The following PDK1 variants were observed in gnomAD, a reference collection of about 807,000 sequenced individuals.
The protein encoded by PDK1 is [Pyruvate dehydrogenase (acetyl-transferring)] kinase isozyme 1, mitochondrial.
A neutral mutation model predicts 54.2 loss-of-function variants in PDK1; 39 were observed. That is an observed-to-expected ratio of 0.72 (90% CI 0.56 to 0.94). PDK1 has a LOEUF of 0.94. Ranked by LOEUF, PDK1 falls within the 40% of genes least tolerant of loss-of-function variation. The pLI, the probability that PDK1 is intolerant of heterozygous loss-of-function variation, is 0.00. For synonymous variants in PDK1, 221 were observed against 207.1 expected, an observed-to-expected ratio of 1.07 and a Z score of -0.58; for missense variants, 552 against 566.0, an observed-to-expected ratio of 0.98 and a Z score of 0.25.
intron 2 of PDK1, 25 bp downstream of exon 2, chr2:172,558,874 A>G: frequency 6.3e-7 from 1 of 1,599,574 alleles, no homozygotes; most frequent in Non-Finnish European, 8.5e-7. Context: ...TTGTGTTTGC[A>G]ATTTGATGGA....
At chr2:172,575,439 G>T (rs557137413) in intron 8 of PDK1, among the ~76,000 whole-genome samples, 7 of 152,146 alleles carry the variant, frequency 4.6e-5, no homozygotes, top group Non-Finnish European at 1.0e-4. Flanking sequence ...AGACTTCTGG[G>T]CCTGAGCTTG....
chr2:172,644,500 AAC>A, the PDK1 span, among the ~76,000 whole-genome samples: 1 of 152,232 alleles, frequency 6.6e-6, no homozygotes, highest in South Asian at 2.1e-4. Flanking sequence ...AATAAAATGA[AAC>A]ACACAGAGTA....
the PDK1 span, among the ~76,000 whole-genome samples, chr2:172,690,843 G>A: frequency 1.4e-5 from 2 of 141,024 alleles, no homozygotes; most frequent in Admixed American, 7.5e-5. Flanking sequence ...ACACACTGGG[G>A]CCTGTTGGGG....
At chr2:172,572,457 G>C (rs1339319717) in intron 8 of PDK1, among the ~76,000 whole-genome samples, 1 of 152,184 alleles carries the variant, frequency 6.6e-6, no homozygotes, top group Non-Finnish European at 1.5e-5. Flanking sequence ...AGGCACAGCA[G>C]CTCATGCCTG....
downstream of PDK1, among the ~76,000 whole-genome samples, chr2:172,611,814 A>G (rs1691472584): frequency 6.6e-6 from 1 of 152,264 alleles, no homozygotes; most frequent in Admixed American, 6.5e-5. Context: ...CAATTGACAT[A>G]GAAGAAGCAT....
chr2:172,670,873 G>A, the PDK1 span, among the ~76,000 whole-genome samples: 60 of 152,072 alleles, frequency 3.9e-4, no homozygotes, highest in Non-Finnish European at 1.9e-4. Context: ...AGGCACGAAC[G>A]TCCCTCCCAA....
In PDK1 at chr2:172,556,362, G is replaced by C; in HGVS notation, c.196+16G>C. The C allele has an allele frequency of 7.1e-7, 1 of 1,415,494 alleles. No individual in the cohort carries two copies. The highest frequency in any genetic ancestry group is 9.2e-7 in the Non-Finnish European group (1 of 1,084,030). 87.7% of individuals were successfully genotyped at this position (1,415,494 alleles called of 1,614,324 possible). A position where few individuals can be genotyped will look rare whatever the true frequency, so the allele number is the denominator to read the frequency against. On this transcript the variant is annotated intron_variant, in intron 1 of 10. Coordinates refer to ENST00000282077, the MANE Select transcript of PDK1 (RefSeq NM_002610.5). ...CTGGACTTCGGTGAGTGCGGCCCGGGACCTTGGGCCTTTTTGCGCGGTCCC... is the reference window on the plus strand; with the variant it reads ...CTGGACTTCGGTGAGTGCGGCCCGGCACCTTGGGCCTTTTTGCGCGGTCCC...
In PDK1 at chr2:172,605,538, C is replaced by G. The variant is rs1200729450; in HGVS notation, c.*9569C>G. The G allele has an allele frequency of 6.6e-6, 1 of 152,214 alleles. No homozygotes were observed. The highest frequency in any genetic ancestry group is 1.5e-5 in the Non-Finnish European group (1 of 68,220). The allele number at this position is 152,214 out of a possible 1,614,324, so 9.4% of individuals were successfully genotyped here. A position where few individuals can be genotyped will look rare whatever the true frequency, so the allele number is the denominator to read the frequency against. On this transcript the variant is annotated 3_prime_UTR_variant, in exon 11 of 11. Transcript: ENST00000282077. ...TACAGGTGCCTGCCACCATGCCCAG[C>G]TAATTTTTGTATTTTTAGTAGAGAC...
At chr2:172,622,805 T>TCA in the PDK1 span, among the ~76,000 whole-genome samples, 164 of 147,852 alleles carry the variant, frequency 1.1e-3, 1 homozygote, top group African/African-American at 3.6e-3. Context: ...TGTTTATATA[T>TCA]TATGTATATG....
the PDK1 span, among the ~76,000 whole-genome samples, chr2:172,682,830 G>A: frequency 6.6e-6 from 1 of 152,116 alleles, no homozygotes; most frequent in Non-Finnish European, 1.5e-5. Context: ...AGAAATGGTG[G>A]TGGCCTGGAA....
the PDK1 span, among the ~76,000 whole-genome samples, chr2:172,706,555 A>G: frequency 1.3e-5 from 2 of 151,880 alleles, no homozygotes; most frequent in Non-Finnish European, 2.9e-5. Context: ...TATGCAGAGT[A>G]GCTGGGACCA....
At chr2:172,660,231 T>TTC in the PDK1 span, among the ~76,000 whole-genome samples, 3,334 of 79,998 alleles carry the variant, frequency 0.042, 350 homozygotes, top group East Asian at 0.19. Flanking sequence ...TAAAATTGCT[T>TTC]TCTCTCTCTC....
chr2:172,692,665 T>G, the PDK1 span, among the ~76,000 whole-genome samples: 1 of 152,188 alleles, frequency 6.6e-6, no homozygotes, highest in East Asian at 1.9e-4. Flanking sequence ...ATGCAGTGAT[T>G]GGATCTTGCA....
chr2:172,702,214 T>C, the PDK1 span, among the ~76,000 whole-genome samples: 1 of 152,264 alleles, frequency 6.6e-6, no homozygotes, highest in East Asian at 1.9e-4. Context: ...CAGTGGTTCA[T>C]GCCTGTAATC....
the PDK1 span, chr2:172,723,716 C>G: frequency 6.6e-6 from 1 of 152,166 alleles, no homozygotes; most frequent in African/African-American, 2.4e-5. Context: ...AACTTTATAT[C>G]AGTGTTAAAT....
At chr2:172,683,454 C>T in the PDK1 span, among the ~76,000 whole-genome samples, 23 of 152,132 alleles carry the variant, frequency 1.5e-4, no homozygotes, top group East Asian at 4.4e-3. Flanking sequence ...CTGGGGAGGC[C>T]TCAGGAAGCT....
chr2:172,665,631 A>G, the PDK1 span, among the ~76,000 whole-genome samples: 2,810 of 152,294 alleles, frequency 0.018, 89 homozygotes, highest in African/African-American at 0.064. Flanking sequence ...TTGTAGCAGA[A>G]GTGCAATTTG....
intron 5 of PDK1, 43 bp downstream of exon 5, chr2:172,565,116 C>A: frequency 2.6e-6 from 3 of 1,160,340 alleles, no homozygotes. Flanking sequence ...ATACAAAAAT[C>A]AAAATTATTG....
At chr2:172,694,100 C>A in the PDK1 span, among the ~76,000 whole-genome samples, 1 of 152,200 alleles carries the variant, frequency 6.6e-6, no homozygotes, top group Non-Finnish European at 1.5e-5. Context: ...GGCCGGGAGA[C>A]AGGGAGGGCA....
Sources: allele counts gnomAD v4.1 joint callset (sites outside exome capture counted in the v4.1 genomes callset), GRCh38; gene constraint gnomAD v4.1.1; transcripts MANE v1.5; gene names NCBI Gene and HGNC (gene_info 2026-07-23, HGNC 2026-07-21).